The following LYST variants were observed in gnomAD, a reference collection of about 807,000 sequenced individuals.
The protein encoded by LYST is lysosomal-trafficking regulator.
A neutral mutation model predicts 413.6 loss-of-function variants in LYST; 192 were observed. The observed-to-expected ratio is 0.46, with a 90% CI of 0.41 to 0.52. The LOEUF is 0.52. Ranked by LOEUF, LYST falls within the 20% of genes least tolerant of loss-of-function variation. The pLI, the probability that LYST is intolerant of heterozygous loss-of-function variation, is 0.00. For missense variants in LYST, 3,815 were observed against 4,499.9 expected (o/e 0.85, Z 4.35); for synonymous variants, 1,525 against 1,567.3 (o/e 0.97, Z 0.64).
chr1:235,768,788 G>T (rs1015633058), intron 20 of LYST, among the ~76,000 whole-genome samples: 2 of 151,940 alleles, frequency 1.3e-5, no homozygotes, highest in African/African-American at 4.8e-5. Context: ...ATGGACATGC[G>T]AAGGAAAAAA....
rs1659200024 is a variant in LYST at position 235,674,285 on chromosome 1, T to C, written c.11038+2806A>G. 6.6e-6 allele frequency among the ~76,000 whole-genome samples: 1 copy of C among 152,104 alleles called. No homozygotes were observed. Among genetic ancestry groups the C allele is most frequent in the Admixed American group, 6.6e-5 (1 of 15,264 alleles). On this transcript the variant is annotated intron_variant, in intron 50 of 52. Coordinates refer to ENST00000389793, the MANE Select transcript of LYST (RefSeq NM_000081.4). The surrounding 1 kb of genome is among the most constrained non-coding windows in gnomAD (Gnocchi z 4.1). ...ATCCCCAAGCGGATGTATGGTAGTA[T>C]TGTAGTGGACCACTATTAAGTACTC... is the stretch of plus-strand genomic sequence containing the variant.
intron 3 of LYST, among the ~76,000 whole-genome samples, chr1:235,819,115 TGCTGGA>T (rs1426076493): frequency 6.6e-6 from 1 of 152,218 alleles, no homozygotes; most frequent in Non-Finnish European, 1.5e-5. Flanking sequence ...TTGGCCCCTC[TGCTGGA>T]ATTGTAGTCC....
At chr1:235,787,696 G>C (rs1241903600) in intron 13 of LYST, among the ~76,000 whole-genome samples, 1 of 151,988 alleles carries the variant, frequency 6.6e-6, no homozygotes, top group Non-Finnish European at 1.5e-5. Context: ...AAATTACAAT[G>C]TATTATTTGG....
In LYST at chr1:235,830,438, A is replaced by G. The variant is rs145200338; in HGVS notation, c.-7-14T>C. 518 of 1,561,834 alleles carry G rather than the reference A, an allele frequency of 3.3e-4. 3 individuals carry two copies. The African/African-American group carries it at 6.5e-3, about 19-fold the overall frequency. ...CTCATGACCGAGCTATAAAATAAGT[A>G]TTACAAAAAAAAAAGATTAGGAAAA... On this transcript the variant is annotated splice_polypyrimidine_tract_variant and intron_variant, in intron 2 of 52. Coordinates refer to ENST00000389793, the MANE Select transcript of LYST (RefSeq NM_000081.4).
chr1:235,773,831 A>G lies in LYST; in HGVS notation c.5784+11T>C, dbSNP rs1187990847. The G allele has an allele frequency of 1.9e-6, 3 of 1,608,608 alleles. No individual in the cohort carries two copies. Among genetic ancestry groups the G allele is most frequent in the East Asian group, 2.2e-5 (1 of 44,650 alleles). On this transcript the variant is annotated intron_variant, in intron 19 of 52. Coordinates refer to ENST00000389793, the MANE Select transcript of LYST (RefSeq NM_000081.4). ...ACAATAAAAAATGGAAAAAAAGTAC[A>G]TATTACATGCCTCTGCTTTACTCCA... is the stretch of plus-strand genomic sequence containing the variant.
At chr1:235,730,694 G>C (rs1664308321) in intron 36 of LYST, among the ~76,000 whole-genome samples, 153 bp downstream of exon 36, 1 of 150,682 alleles carries the variant, frequency 6.6e-6, no homozygotes, top group African/African-American at 2.4e-5. Context: ...TTTCCTTTTG[G>C]ATTTTGGCCA....
chr1:235,805,736 G>T lies in LYST; in HGVS notation c.3393+7C>A, dbSNP rs1672763758. 6.2e-7 allele frequency: 1 copy of T among 1,604,086 alleles called. No homozygotes were observed. Among genetic ancestry groups the T allele is most frequent in the Non-Finnish European group, 8.5e-7 (1 of 1,171,856 alleles). ...ACATAAGAGTTGGACTAAGGACAAG[G>T]TATTACCTGATTAGGTAACTCCAAT... is the stretch of plus-strand genomic sequence containing the variant. On this transcript the variant is annotated splice_region_variant and intron_variant, in intron 6 of 52. Coordinates refer to ENST00000389793, the MANE Select transcript of LYST (RefSeq NM_000081.4).
chr1:235,792,054 G>C lies in LYST; in HGVS notation c.4188C>G (p.Thr1396=). 1 of 1,613,734 alleles carries C rather than the reference G, an allele frequency of 6.2e-7. No homozygotes were observed. The highest frequency in any genetic ancestry group is 8.5e-7 in the Non-Finnish European group (1 of 1,179,668). Residue 1396 remains threonine (T), a synonymous_variant, in exon 12 of 53, where the codon ACC becomes ACG. Transcript: ENST00000389793. ...DTTMSPSQYL[T]FPLLHAPNLS... is the part of the protein sequence containing the mutation. Reference sequence around the variant, plus strand: ...AATTTGGAGCGTGCAGTAAAGGGAAGGTTAGATACTGTGAAGGGCTCATAG... The same window carrying C: ...AATTTGGAGCGTGCAGTAAAGGGAACGTTAGATACTGTGAAGGGCTCATAG...
chr1:235,803,088 G>T (rs768216263), intron 7 of LYST, 24 bp from the exon 8 acceptor site: 2 of 1,599,824 alleles, frequency 1.3e-6, no homozygotes, highest in Non-Finnish European at 8.5e-7. Flanking sequence ...TAATTCAAAG[G>T]TTGTAACATT....
chr1:235,758,456 C>T (rs563562912), intron 23 of LYST, among the ~76,000 whole-genome samples: 2 of 152,192 alleles, frequency 1.3e-5, no homozygotes, highest in Non-Finnish European at 2.9e-5. Context: ...CAGAGAAGAA[C>T]TGCCAATGTT....
rs538522923 is a variant in LYST at position 235,830,299 on chromosome 1, G to A, written c.119C>T (p.Ala40Val). 59 of 1,614,012 alleles carry A rather than the reference G, an allele frequency of 3.7e-5. 1 individual carries two copies. The South Asian group carries it at 4.4e-4, about 12-fold the overall frequency. Residue 40 changes from alanine to valine, a missense_variant, in exon 3 of 53, where the codon GCA becomes GTA. Transcript: ENST00000389793. Reference protein sequence around the residue: ...REEEEEETHMATLGQYLVHGR... With the variant: ...REEEEEETHMVTLGQYLVHGR... ...ATGGACAAGGTACTGTCCAAGGGTT[G>A]CCATGTGCGTCTCCTCCTCTTCTTC...
chr1:235,847,684 G>A (rs1000525763), intron 1 of LYST, among the ~76,000 whole-genome samples: 27 of 152,000 alleles, frequency 1.8e-4, no homozygotes, highest in Admixed American at 6.6e-4. Flanking sequence ...ACTCACATAC[G>A]GTAAAGGGGT....
chr1:235,827,015 T>C (rs902336837), intron 3 of LYST, among the ~76,000 whole-genome samples: 1 of 152,178 alleles, frequency 6.6e-6, no homozygotes, highest in Non-Finnish European at 1.5e-5. Context: ...ATCTGTGCAC[T>C]TACTGTATAT....
At chr1:235,839,829 A>G (rs1677019072) in intron 1 of LYST, 1 of 151,628 alleles carries the variant, frequency 6.6e-6, no homozygotes, top group African/African-American at 2.4e-5. Flanking sequence ...AATGAAATAA[A>G]ATAAAATAAA....
chr1:235,720,533 A>T, intron 40 of LYST, 128 bp downstream of exon 40: 1 of 870,870 alleles, frequency 1.1e-6, no homozygotes. Context: ...CCAGGGTGAT[A>T]GGTATGTGGG....
chr1:235,874,935 C>T (rs1681075229), intron 1 of LYST, among the ~76,000 whole-genome samples: 1 of 152,170 alleles, frequency 6.6e-6, no homozygotes, highest in African/African-American at 2.4e-5. Context: ...TGTTCCAAGC[C>T]CAGGCTCCTC....
In LYST at chr1:235,741,634, A is replaced by C; in HGVS notation, c.8152-6T>G. 2 of 1,602,162 alleles carry C rather than the reference A, an allele frequency of 1.2e-6. No homozygotes were observed. The highest frequency in any genetic ancestry group is 1.7e-6 in the Non-Finnish European group (2 of 1,169,354). On this transcript the variant is annotated splice_region_variant and splice_polypyrimidine_tract_variant and intron_variant, in intron 30 of 52. Transcript: ENST00000389793. ...CCACTGGCTTTACTTGAACCCTAAA[A>C]TCAATCAAGATAGGAATGAATTAGG...
chr1:235,664,018 T>C lies in LYST; in HGVS notation c.11233A>G (p.Ile3745Val), dbSNP rs1454498911. The C allele has an allele frequency of 6.2e-7, 1 of 1,613,576 alleles. No homozygotes were observed. The highest frequency in any genetic ancestry group is 2.2e-5 in the East Asian group (1 of 44,878). ...STWDLKPVRE[I>V]TFPKSNKPII... ...GGCTTATTTGATTTGGGAAATGTAA[T>C]TTCTCTCACAGGCTTTAAGTCCCAT... is the stretch of plus-strand genomic sequence containing the variant. Residue 3745 changes from isoleucine to valine, a missense_variant, in exon 52 of 53, where the codon ATT (isoleucine) becomes GTT (valine). Coordinates refer to ENST00000389793, the MANE Select transcript of LYST (RefSeq NM_000081.4). This position sits in a 1 kb window ranked among gnomAD's most constrained non-coding sequence, Gnocchi z 4.5.
intron 1 of LYST, among the ~76,000 whole-genome samples, chr1:235,843,738 C>T (rs1481129516): frequency 6.7e-6 from 1 of 148,990 alleles, no homozygotes; most frequent in African/African-American, 2.5e-5. Context: ...GTGGCTTCCA[C>T]AAGAAAAAAA....
Sources: gnomAD v4.1 joint callset for allele counts (sites outside exome capture counted in the v4.1 genomes callset) on GRCh38, gnomAD v4.1.1 for gene constraint, Gnocchi (gnomAD v3.1) non-coding constraint, MANE v1.5 for transcripts, NCBI Gene and HGNC (gene_info 2026-07-23, HGNC 2026-07-21) for gene names.